The following GLDN variants were observed in gnomAD, a reference collection of about 807,000 sequenced individuals.
GLDN encodes gliomedin, also known as collomin.
GLDN carries 47 observed loss-of-function variants against 56.5 expected under a neutral mutation model. The ratio of observed to expected loss-of-function variants is 0.83; its 90% confidence interval spans 0.66 to 1.06. The LOEUF is 1.06. Ranked by LOEUF, GLDN falls within the 50% of genes least tolerant of loss-of-function variation. GLDN has a pLI of 0.00. For missense variants in GLDN, 782 were observed against 714.3 expected (o/e 1.09, Z -1.08); for synonymous variants, 332 against 278.8 (o/e 1.19, Z -1.90).
At chr15:51,409,512 T>C (rs1298879528), downstream of GLDN, among the ~76,000 whole-genome samples, 1 of 152,214 alleles carries the variant, frequency 6.6e-6, no homozygotes, top group African/African-American at 2.4e-5. Flanking sequence ...CCAAACACTC[T>C]GCTATGATCC....
rs184429670 is a variant in GLDN, at chr15:51,346,972, G to A, written c.363+4925G>A. 5.3e-5 allele frequency among the ~76,000 whole-genome samples: 8 copies of A among 152,126 alleles called. No individual in the cohort carries two copies. The South Asian group carries it at 6.2e-4, about 12-fold the overall frequency. On this transcript the variant is annotated intron_variant, in intron 1 of 9. Coordinates refer to ENST00000335449, the MANE Select transcript of GLDN (RefSeq NM_181789.4). ...TCCCAGCTACTCGGGAGGCTGAGGC[G>A]GGAGAACCGCTTGAACCCAGGAGAT... is the stretch of plus-strand genomic sequence containing the variant.
intron 4 of GLDN, chr15:51,384,277 C>T (rs1011918241): frequency 1.2e-4 from 30 of 250,080 alleles, no homozygotes; most frequent in Admixed American, 3.4e-4. Context: ...TCCTGCCCAG[C>T]GAATCTGTGT....
chr15:51,345,545 A>G (rs2036961969), intron 1 of GLDN, among the ~76,000 whole-genome samples: 1 of 152,260 alleles, frequency 6.6e-6, no homozygotes. Context: ...AAAATTTAAC[A>G]TCAATGCTTG....
At chr15:51,347,160 A>T (rs888718104) in intron 1 of GLDN, among the ~76,000 whole-genome samples, 6 of 152,314 alleles carry the variant, frequency 3.9e-5, no homozygotes, top group Non-Finnish European at 7.3e-5. Flanking sequence ...AAAGTTGATT[A>T]AAAAAATTTA....
intron 5 of GLDN, among the ~76,000 whole-genome samples, chr15:51,396,422 T>A (rs1159540073): frequency 6.6e-6 from 1 of 152,120 alleles, no homozygotes; most frequent in Admixed American, 6.5e-5. Context: ...TTGGTATTTG[T>A]GGGAGAAGAG....
rs148420280 is a variant in GLDN at position 51,378,695 on chromosome 15, C to A, written c.415+1195C>A. ...TTGAAGTGCTTTTCAAAAGACAGCA[C>A]CTTCTCCTTTCATGCCAGCTTGAAA... On this transcript the variant is annotated intron_variant, in intron 2 of 9. Transcript: ENST00000335449. Among the ~76,000 whole-genome samples, 4 of 152,304 alleles carry A rather than the reference C, an allele frequency of 2.6e-5. No homozygotes were observed. In the East Asian group the frequency reaches 7.7e-4, roughly 29 times the overall value.
intron 1 of GLDN, among the ~76,000 whole-genome samples, chr15:51,364,745 A>C (rs1317306077): frequency 6.6e-6 from 1 of 152,110 alleles, no homozygotes; most frequent in East Asian, 1.9e-4. Context: ...GGTTTCAATT[A>C]ATTGATTTTT....
At chr15:51,360,425 C>G (rs1436216533) in intron 1 of GLDN, 1 of 152,416 alleles carries the variant, frequency 6.6e-6, no homozygotes, top group Non-Finnish European at 1.5e-5. Context: ...ACACTGCCCC[C>G]GAGGGCGAAG....
chr15:51,377,125 T>A, intron 1 of GLDN: 1 of 363,114 alleles, frequency 2.8e-6, no homozygotes, highest in Non-Finnish European at 5.0e-6. Context: ...CGTGCTATGC[T>A]TTTTACAATC....
intron 7 of GLDN, 38 bp from the exon 8 acceptor site, chr15:51,400,335 T>C (rs2038222271): frequency 1.2e-6 from 2 of 1,614,112 alleles, no homozygotes; most frequent in South Asian, 1.1e-5. Flanking sequence ...AAGTCATAAT[T>C]GGCAGGCAAG....
At chr15:51,369,856 C>G (rs183983553) in intron 1 of GLDN, among the ~76,000 whole-genome samples, 7 of 152,328 alleles carry the variant, frequency 4.6e-5, no homozygotes, top group African/African-American at 1.7e-4. Context: ...TAGCTCACGT[C>G]TATAATCCCA....
Position 51,404,891 on chromosome 15 carries a change from C to G in GLDN, c.*137C>G. On this transcript the variant is annotated 3_prime_UTR_variant, in exon 10 of 10. Transcript: ENST00000335449. Reference sequence around the variant, plus strand: ...AAAAGTGTTTATATGGTCAGTGAGCCCCGCTTAGTGAAATAGCAACAGATT... The same window carrying G: ...AAAAGTGTTTATATGGTCAGTGAGCGCCGCTTAGTGAAATAGCAACAGATT... The G allele has an allele frequency of 1.5e-6, 1 of 650,178 alleles. No homozygotes were observed. Among genetic ancestry groups the G allele is most frequent in the South Asian group, 1.8e-5 (1 of 54,402 alleles). The allele number at this position is 650,178 out of a possible 1,614,324, so 40.3% of individuals were successfully genotyped here.
intron 6 of GLDN, 23 bp downstream of exon 6, chr15:51,397,621 G>C: frequency 6.5e-7 from 1 of 1,538,594 alleles, no homozygotes. Context: ...CCCCTACGGG[G>C]CCCACCTCTT....
chr15:51,384,147 G>T, intron 4 of GLDN: 1 of 475,852 alleles, frequency 2.1e-6, no homozygotes, highest in Non-Finnish European at 3.8e-6. Flanking sequence ...TGCTGCAGAT[G>T]GGAGGTGGAA....
intron 1 of GLDN, among the ~76,000 whole-genome samples, chr15:51,343,908 C>A (rs567344347): frequency 6.6e-6 from 1 of 152,286 alleles, no homozygotes; most frequent in East Asian, 1.9e-4. Flanking sequence ...TGACCCTCAT[C>A]CCCCCACCTC....
downstream of GLDN, among the ~76,000 whole-genome samples, chr15:51,410,221 G>A (rs1476521975): frequency 6.6e-6 from 1 of 152,136 alleles, no homozygotes; most frequent in East Asian, 1.9e-4. Flanking sequence ...TTCCCTCTAC[G>A]TGACGTTTAA....
chr15:51,375,065 A>G (rs2037602676), intron 1 of GLDN, among the ~76,000 whole-genome samples: 1 of 152,196 alleles, frequency 6.6e-6, no homozygotes, highest in Admixed American at 6.5e-5. Flanking sequence ...TGAATATTTC[A>G]CAATAAGTTT....
chr15:51,357,347 GAGA>G (rs2037204939), intron 1 of GLDN, among the ~76,000 whole-genome samples: 1 of 152,226 alleles, frequency 6.6e-6, no homozygotes, highest in Non-Finnish European at 1.5e-5. Flanking sequence ...CTTTGATCGG[GAGA>G]AGACTTCTCG....
chr15:51,362,484 TAAA>T (rs59898719), intron 1 of GLDN, among the ~76,000 whole-genome samples: 104 of 131,818 alleles, frequency 7.9e-4, no homozygotes, highest in Admixed American at 1.1e-3. Flanking sequence ...GACTCTGTCT[TAAA>T]AAAAAAAAAA....
Sources: allele counts gnomAD v4.1 joint callset (sites outside exome capture counted in the v4.1 genomes callset), GRCh38; gene constraint gnomAD v4.1.1; transcripts MANE v1.5; gene names NCBI Gene and HGNC (gene_info 2026-07-23, HGNC 2026-07-21).